Variants in ADAMTSL1 observed in about 807,000 individuals in gnomAD.
ADAMTSL1 encodes ADAMTS like 1.
ADAMTSL1 carries 126 observed loss-of-function variants against 201.8 expected under a neutral mutation model. The ratio of observed to expected loss-of-function variants is 0.62; its 90% CI spans 0.54 to 0.72. The LOEUF (loss-of-function observed/expected upper bound fraction) is 0.72, where lower values mean the gene tolerates loss of function less well. Ranked by LOEUF, ADAMTSL1 falls within the 30% of genes least tolerant of loss-of-function variation. The probability of loss-of-function intolerance (pLI) is 0.00; values close to 1 mark genes in which losing one functional copy is unlikely to be tolerated. For missense variants in ADAMTSL1, 2,679 were observed against 2,277.8 expected (o/e 1.18, Z -3.59); for synonymous variants, 1,121 against 903.4 (o/e 1.24, Z -4.32).
At chr9:18,519,330 A>G (rs573536281) in intron 2 of ADAMTSL1, among the ~76,000 whole-genome samples, 2 of 152,316 alleles carry the variant, frequency 1.3e-5, no homozygotes, top group South Asian at 4.2e-4. Context: ...ACATAGGGTA[A>G]GAACCTAGTG....
intron 2 of ADAMTSL1, among the ~76,000 whole-genome samples, chr9:18,406,186 GGGA>G (rs1818184458): frequency 1.3e-5 from 2 of 152,300 alleles, no homozygotes; most frequent in Admixed American, 1.3e-4. Flanking sequence ...GAATGCATGA[GGGA>G]GGAGAGAAAT....
chr9:18,781,436 T>C (rs1371340083), intron 19 of ADAMTSL1, among the ~76,000 whole-genome samples: 2 of 152,226 alleles, frequency 1.3e-5, no homozygotes, highest in African/African-American at 2.4e-5. Context: ...AATTTTTCCA[T>C]TTTTGTTGGC....
intron 1 of ADAMTSL1, among the ~76,000 whole-genome samples, chr9:17,948,893 T>C (rs1827618716): frequency 6.6e-6 from 1 of 152,216 alleles, no homozygotes; most frequent in Admixed American, 6.5e-5. Context: ...TAATTATCAG[T>C]AATCCTCTCT....
chr9:18,707,957 A>G (rs1009868939), intron 14 of ADAMTSL1, among the ~76,000 whole-genome samples: 63 of 152,244 alleles, frequency 4.1e-4, no homozygotes, highest in Admixed American at 4.1e-3. Flanking sequence ...GTAGATTCAT[A>G]TTGACACCAT....
chr9:18,748,565 G>A (rs180960845), intron 15 of ADAMTSL1, among the ~76,000 whole-genome samples: 9 of 152,298 alleles, frequency 5.9e-5, no homozygotes, highest in African/African-American at 2.2e-4. Context: ...CCACACTGAA[G>A]GAAAATGTGT....
intron 2 of ADAMTSL1, among the ~76,000 whole-genome samples, chr9:18,274,721 C>T (rs1832518326): frequency 6.6e-6 from 1 of 152,024 alleles, no homozygotes; most frequent in Non-Finnish European, 1.5e-5. Context: ...AATAAAAAAA[C>T]TAAAATGAGG....
intron 2 of ADAMTSL1, among the ~76,000 whole-genome samples, chr9:18,278,316 G>C (rs1832662668): frequency 6.6e-6 from 1 of 152,112 alleles, no homozygotes. Flanking sequence ...ATTCCCTTTA[G>C]CATTTCTGGT....
At chr9:18,837,368 T>C (rs1563843358) in intron 23 of ADAMTSL1, among the ~76,000 whole-genome samples, 1 of 152,254 alleles carries the variant, frequency 6.6e-6, no homozygotes, top group South Asian at 2.1e-4. Context: ...CTTTCTCCAC[T>C]GAGTTGCCTT....
chr9:18,458,980 A>C (rs970707110), intron 2 of ADAMTSL1, among the ~76,000 whole-genome samples: 3 of 152,200 alleles, frequency 2.0e-5, no homozygotes, highest in Non-Finnish European at 4.4e-5. Context: ...TATTAAACAG[A>C]ACCTTTGTGT....
chr9:18,684,954 A>G lies in ADAMTSL1; in HGVS notation c.1574+154A>G, dbSNP rs1429002820. On this transcript the variant is annotated intron_variant, in intron 13 of 28. Transcript: ENST00000380548. ...TCAAATTAAAGATTGATTAGTTTCA[A>G]AAAGTGTTTGTCAAAGCTGATGATT... is the stretch of plus-strand genomic sequence containing the variant. 5.0e-6 allele frequency: 7 copies of G among 1,397,544 alleles called. No individual in the cohort carries two copies. In the Admixed American group the frequency reaches 1.2e-4, roughly 24 times the overall value. The allele number at this position is 1,397,544 out of a possible 1,614,324, so 86.6% of individuals were successfully genotyped here.
intron 1 of ADAMTSL1, among the ~76,000 whole-genome samples, chr9:17,997,271 A>G (rs1436431493): frequency 6.6e-6 from 1 of 152,098 alleles, no homozygotes; most frequent in Non-Finnish European, 1.5e-5. Context: ...TCTTTCTTTC[A>G]TTTAATTGAT....
chr9:18,383,354 T>C (rs1837642020), intron 2 of ADAMTSL1, among the ~76,000 whole-genome samples: 1 of 152,046 alleles, frequency 6.6e-6, no homozygotes, highest in African/African-American at 2.4e-5. Flanking sequence ...TTTTTTCCTT[T>C]GAGTATATGT....
intron 9 of ADAMTSL1, among the ~76,000 whole-genome samples, chr9:18,674,230 ACAT>A (rs1404629146): frequency 6.6e-6 from 1 of 150,690 alleles, no homozygotes; most frequent in Admixed American, 6.6e-5. Flanking sequence ...ACAAACACAC[ACAT>A]CATGAAAATT....
intron 2 of ADAMTSL1, among the ~76,000 whole-genome samples, chr9:18,430,589 G>C (rs1819443735): frequency 6.6e-6 from 1 of 152,080 alleles, no homozygotes. Flanking sequence ...ACTTACTCCT[G>C]GGATCTCATC....
intron 1 of ADAMTSL1, among the ~76,000 whole-genome samples, chr9:17,931,185 GCCAA>G (rs2131318763): frequency 6.6e-6 from 1 of 152,246 alleles, no homozygotes; most frequent in South Asian, 2.1e-4. Context: ...TTTTATCTGA[GCCAA>G]AGCTTACCTG....
intron 4 of ADAMTSL1, among the ~76,000 whole-genome samples, chr9:18,610,533 A>G (rs1825304445): frequency 6.6e-6 from 1 of 152,208 alleles, no homozygotes; most frequent in Non-Finnish European, 1.5e-5. Flanking sequence ...GGAAGGAAAA[A>G]GGGTTATATT....
At chr9:18,838,079 T>C (rs903232697) in intron 23 of ADAMTSL1, among the ~76,000 whole-genome samples, 1 of 152,002 alleles carries the variant, frequency 6.6e-6, no homozygotes, top group Non-Finnish European at 1.5e-5. Context: ...GACTTACAGT[T>C]CCACATGGCT....
In ADAMTSL1 at chr9:18,352,874, C is replaced by A. The variant is rs73643249; in HGVS notation, c.208-151955C>A. On this transcript the variant is annotated intron_variant, in intron 2 of 29. Coordinates refer to the ADAMTSL1 transcript ENST00000680146. ...GTTAGATATCTTGTTTCTTAGGAAT[C>A]CTCCTAGAAATATTTAACTTACATA... Among the ~76,000 whole-genome samples, 1,207 of 152,300 alleles carry A rather than the reference C, an allele frequency of 7.9e-3. 16 individuals carry two copies. Among genetic ancestry groups the A allele is most frequent in the African/African-American group, 0.028 (1,152 of 41,582 alleles).
At chr9:18,330,180 G>T (rs925638880) in intron 2 of ADAMTSL1, among the ~76,000 whole-genome samples, 1 of 152,144 alleles carries the variant, frequency 6.6e-6, no homozygotes, top group Non-Finnish European at 1.5e-5. Context: ...TATCTTGCAA[G>T]GTAGTTTGGA....
Sources: gnomAD v4.1 joint callset for allele counts (sites outside exome capture counted in the v4.1 genomes callset) on GRCh38, gnomAD v4.1.1 for gene constraint, MANE v1.5 for transcripts, NCBI Gene and HGNC (gene_info 2026-07-23, HGNC 2026-07-21) for gene names.